Variants in DNAH6 observed in about 807,000 individuals in gnomAD.
The protein encoded by DNAH6 is axonemal beta dynein heavy chain 6.
In DNAH6, 340 loss-of-function variants were observed where a neutral mutation model predicts 491.4. That is an observed-to-expected ratio of 0.69 (90% confidence interval 0.63 to 0.76). The LOEUF is 0.76. DNAH6 is among the 30% of genes least tolerant of loss of function. DNAH6 has a pLI of 0.00. For missense variants in DNAH6, 4,443 were observed against 4,972.2 expected, an observed-to-expected ratio of 0.89 and a Z score of 3.20; for synonymous variants, 1,603 against 1,686.1, an observed-to-expected ratio of 0.95 and a Z score of 1.21.
intron 18 of DNAH6, among the ~76,000 whole-genome samples, chr2:84,598,154 T>TCTTTCTTTCTTTCTTTCTTTCTTC (rs1558774024): frequency 1.5e-5 from 1 of 64,772 alleles, no homozygotes; most frequent in East Asian, 4.1e-4. Flanking sequence ...TTTCTTTCTT[T>TCTTTCTTTCTTTCTTTCTTTCTTC]CTTTCTTTCT....
chr2:84,788,931 A>G (rs935806975), intron 68 of DNAH6, among the ~76,000 whole-genome samples: 5 of 152,226 alleles, frequency 3.3e-5, no homozygotes, highest in Admixed American at 6.5e-5. Flanking sequence ...CCATTTCTGG[A>G]TCTAGTTTGA....
At chr2:84,541,727 A>T (rs1446050857) in intron 4 of DNAH6, among the ~76,000 whole-genome samples, 1 of 152,202 alleles carries the variant, frequency 6.6e-6, no homozygotes, top group East Asian at 1.9e-4. Flanking sequence ...AAAACATGGT[A>T]TGTTGAACTT....
chr2:84,658,331 C>T lies in DNAH6; in HGVS notation c.5797C>T (p.Gln1933Ter). ...ETQEYILNLFQRYVDEGLHFI... is the reference protein window; with the variant it reads ...ETQEYILNLF Reference sequence around the variant, plus strand: ...CCAAGAATATATATTGAATCTTTTCCAACGTTATGTTGATGAAGGTTTACA... The same window carrying T: ...CCAAGAATATATATTGAATCTTTTCTAACGTTATGTTGATGAAGGTTTACA... The change falls in exon 36 of 77, where the codon CAA becomes TAA. Residue 1933 changes from glutamine (Q) to a stop codon, truncating the protein, a stop_gained. Transcript: ENST00000389394. LOFTEE classifies it high-confidence loss of function. The T allele has an allele frequency of 6.5e-7, 1 of 1,539,338 alleles. No individual in the cohort carries two copies. Among genetic ancestry groups the T allele is most frequent in the Non-Finnish European group, 8.8e-7 (1 of 1,141,636 alleles).
chr2:84,643,073 A>G (rs1459910259), intron 33 of DNAH6, among the ~76,000 whole-genome samples: 1 of 152,040 alleles, frequency 6.6e-6, no homozygotes, highest in Non-Finnish European at 1.5e-5. Context: ...CTGGCAACAA[A>G]TTTTCTCAAT....
chr2:84,533,130 C>T (rs549374228), intron 4 of DNAH6, among the ~76,000 whole-genome samples: 3 of 152,196 alleles, frequency 2.0e-5, no homozygotes, highest in East Asian at 3.9e-4. Context: ...GAGCACTTAG[C>T]TGTGTGTGCA....
At chr2:84,684,255 GAC>G (rs1694074051) in intron 42 of DNAH6, among the ~76,000 whole-genome samples, 1 of 152,182 alleles carries the variant, frequency 6.6e-6, no homozygotes, top group Admixed American at 6.5e-5. Context: ...AACCGCTTCA[GAC>G]TCACTGATCC....
intron 62 of DNAH6, among the ~76,000 whole-genome samples, chr2:84,733,878 T>A (rs1699313919): frequency 6.6e-6 from 1 of 152,034 alleles, no homozygotes; most frequent in African/African-American, 2.4e-5. Context: ...CCATAGGTTT[T>A]TTTTTTTACT....
chr2:84,461,776 ATTTGTCTCAAAAC>A, the DNAH6 span, among the ~76,000 whole-genome samples: 14 of 152,280 alleles, frequency 9.2e-5, no homozygotes, highest in South Asian at 2.9e-3. Flanking sequence ...GGATATTTCT[ATTTGTCTCAAAAC>A]TTTGTCTAAA....
intron 59 of DNAH6, among the ~76,000 whole-genome samples, chr2:84,721,446 G>T (rs1485517364): frequency 6.6e-6 from 1 of 152,092 alleles, no homozygotes; most frequent in Admixed American, 6.5e-5. Context: ...GTGGGCTGGG[G>T]TAAATAGTCT....
In DNAH6 at chr2:84,785,637, C is replaced by G. The variant is rs532935785; in HGVS notation, c.10981C>G (p.Arg3661Gly). 1.9e-6 allele frequency: 3 copies of G among 1,544,170 alleles called. No individual in the cohort carries two copies. The African/African-American group carries it at 4.1e-5, about 21-fold the overall frequency. The change falls in exon 67 of 77, where the codon CGT becomes GGT. Residue 3661 changes from arginine (R) to glycine (G), a missense_variant. Around this residue, in one of 3 missense-constraint regions of DNAH6, gnomAD observed 1,463 missense variants for 1,656.6 expected, o/e 0.88. Coordinates refer to ENST00000389394, the MANE Select transcript of DNAH6 (RefSeq NM_001370.2). Reference protein sequence around the residue: ...KVTNEPPKGLRANIRRAFTEM... With the variant: ...KVTNEPPKGLGANIRRAFTEM... ...GACCAATGAGCCTCCAAAAGGCTTA[C>G]GTGCAAATATCAGACGAGCATTTAC...
intron 57 of DNAH6, among the ~76,000 whole-genome samples, chr2:84,714,743 C>T (rs1697360187): frequency 6.6e-6 from 1 of 151,654 alleles, no homozygotes. Flanking sequence ...GGTGTATTGC[C>T]CACAAGACCC....
chr2:84,815,378 A>G (rs1680388296), intron 75 of DNAH6, among the ~76,000 whole-genome samples: 2 of 139,892 alleles, frequency 1.4e-5, no homozygotes, highest in Admixed American at 7.2e-5. Flanking sequence ...CACAATTGGA[A>G]AAAAAAAAAA....
In DNAH6 at chr2:84,699,727, T is replaced by G; in HGVS notation, c.7811T>G (p.Phe2604Cys). 1.9e-6 allele frequency: 3 copies of G among 1,550,962 alleles called. No homozygotes were observed. The highest frequency in any genetic ancestry group is 2.6e-6 in the Non-Finnish European group (3 of 1,146,774). The change falls in exon 48 of 77, where the codon TTT becomes TGT. Residue 2604 changes from phenylalanine (F) to cysteine (C), a missense_variant. Coordinates refer to ENST00000389394, the MANE Select transcript of DNAH6 (RefSeq NM_001370.2). Reference protein sequence around the residue: ...SLVNCCTIDWFVQWPREALLS... With the variant: ...SLVNCCTIDWCVQWPREALLS... ...GTGAATTGCTGCACCATTGACTGGT[T>G]TGTGCAGGTTGGTGACATCCCAGGA...
chr2:84,463,335 C>T, the DNAH6 span, among the ~76,000 whole-genome samples: 40 of 152,250 alleles, frequency 2.6e-4, no homozygotes, highest in African/African-American at 8.7e-4. Flanking sequence ...GAGGGAGGAG[C>T]TTTAAATTAG....
rs35839006 is a variant in DNAH6, at chr2:84,808,131, ATGTGTGTGTG to A, written c.11612-254_11612-245del. Among the ~76,000 whole-genome samples the A allele has an allele frequency of 8.7e-3, 1,229 of 141,254 alleles. 23 individuals are homozygous for A. Among genetic ancestry groups the A allele is most frequent in the African/African-American group, 0.033 (1,170 of 35,458 alleles). The allele number at this position is 141,254 out of a possible 152,430, so 92.7% of individuals were successfully genotyped here. A position where few individuals can be genotyped will look rare whatever the true frequency, so the allele number is the denominator to read the frequency against. On this transcript the variant is annotated intron_variant, in intron 71 of 76. Coordinates refer to ENST00000389394, the MANE Select transcript of DNAH6 (RefSeq NM_001370.2). ...GTTTGAGAAAAAAAAGTGTATATAT[ATGTGTGTGTG>A]TGTGTGTGTGTGTGTGTGTGTGTGT...
chr2:84,612,975 A>G (rs1686475774), intron 22 of DNAH6, among the ~76,000 whole-genome samples: 1 of 152,118 alleles, frequency 6.6e-6, no homozygotes, highest in African/African-American at 2.4e-5. Context: ...CCCAGTCCCT[A>G]CTAGACTTGT....
At chr2:84,505,065 G>A in the DNAH6 span, among the ~76,000 whole-genome samples, 1 of 152,086 alleles carries the variant, frequency 6.6e-6, no homozygotes, top group Non-Finnish European at 1.5e-5. Context: ...CATGAGTCTT[G>A]CATGTCTTTG....
chr2:84,582,311 G>T (rs1683109216), intron 14 of DNAH6, among the ~76,000 whole-genome samples: 1 of 152,188 alleles, frequency 6.6e-6, no homozygotes, highest in African/African-American at 2.4e-5. Flanking sequence ...GGGGACTCCA[G>T]ATCAGCAGCA....
chr2:84,756,410 T>C (rs773495028), intron 63 of DNAH6, among the ~76,000 whole-genome samples: 1 of 152,230 alleles, frequency 6.6e-6, no homozygotes, highest in African/African-American at 2.4e-5. Context: ...TCCATTAGCC[T>C]TCTACAAGGA....
Sources: gnomAD v4.1 joint callset for allele counts (sites outside exome capture counted in the v4.1 genomes callset) on GRCh38, gnomAD v4.1.1 for gene constraint, gnomAD v4.1.1 regional missense constraint, MANE v1.5 for transcripts, NCBI Gene and HGNC (gene_info 2026-07-23, HGNC 2026-07-21) for gene names.